The following MED12L variants were observed in gnomAD, a reference collection of about 807,000 sequenced individuals.
MED12L encodes mediator complex subunit 12L.
In MED12L, 60 loss-of-function variants were observed where a neutral mutation model predicts 281.3. That is an observed-to-expected ratio of 0.21 (90% CI 0.17 to 0.26). The LOEUF (loss-of-function observed/expected upper bound fraction) is 0.26, where lower values mean the gene tolerates loss of function less well. Ranked by LOEUF, MED12L falls within the 10% of genes least tolerant of loss-of-function variation. The pLI is 1.00. For missense variants in MED12L, 2,146 were observed against 2,680.9 expected (o/e 0.80, Z 4.41); for synonymous variants, 974 against 987.2 (o/e 0.99, Z 0.25).
At position 151,210,601 on chromosome 3, in the gene MED12L, G is replaced by A. The variant is rs141688912; in HGVS notation, c.2250+16935G>A. On this transcript the variant is annotated intron_variant, in intron 16 of 44. Transcript: ENST00000687756. Reference sequence around the variant, plus strand: ...ACTTATGCATCAAAATGGAATGTAAGGATTTCTGTTAAAGGGAGGTTTTTA... The same window carrying A: ...ACTTATGCATCAAAATGGAATGTAAAGATTTCTGTTAAAGGGAGGTTTTTA... Among the ~76,000 whole-genome samples, 17 of 152,286 alleles carry A rather than the reference G, an allele frequency of 1.1e-4. No homozygotes were observed. In the East Asian group the frequency reaches 2.9e-3, roughly 26 times the overall value.
At chr3:151,141,006 T>C (rs2148863234) in intron 5 of MED12L, among the ~76,000 whole-genome samples, 1 of 152,070 alleles carries the variant, frequency 6.6e-6, no homozygotes, top group East Asian at 1.9e-4. Flanking sequence ...TAGCTGGGAC[T>C]ACAGGCACCC....
At position 151,168,517 on chromosome 3, in the gene MED12L, C is replaced by T. The variant is rs554079944; in HGVS notation, c.1494+2535C>T. On this transcript the variant is annotated intron_variant, in intron 11 of 44. Coordinates refer to ENST00000687756, the MANE Select transcript of MED12L (RefSeq NM_001393769.1). ...CTGAGAGTCCTGGAGGCTCTAGGCACGCACATTTCTGGAAGGGCCATCAGT... is the reference window on the plus strand; with the variant it reads ...CTGAGAGTCCTGGAGGCTCTAGGCATGCACATTTCTGGAAGGGCCATCAGT... Among the ~76,000 whole-genome samples the T allele has an allele frequency of 3.9e-5, 6 of 152,200 alleles. No homozygotes were observed. In the South Asian group the frequency reaches 6.2e-4, roughly 16 times the overall value.
At chr3:151,321,913 T>C (rs950393642) in intron 16 of MED12L, among the ~76,000 whole-genome samples, 1 of 152,150 alleles carries the variant, frequency 6.6e-6, no homozygotes, top group East Asian at 1.9e-4. Flanking sequence ...ATCTTATTTT[T>C]TTCTATAAGG....
At chr3:151,163,148 G>T (rs1720218887) in intron 8 of MED12L, among the ~76,000 whole-genome samples, 1 of 152,096 alleles carries the variant, frequency 6.6e-6, no homozygotes, top group Non-Finnish European at 1.5e-5. Flanking sequence ...TGGTAAAGGT[G>T]GGGGATAACA....
intron 5 of MED12L, among the ~76,000 whole-genome samples, chr3:151,140,548 A>C (rs1180161351): frequency 6.6e-6 from 1 of 152,242 alleles, no homozygotes; most frequent in African/African-American, 2.4e-5. Flanking sequence ...AGCTTTTCCA[A>C]AGTAAAAATA....
rs922160260 is a variant in MED12L, at chr3:151,117,175, C to CT, written c.204+742dup. On this transcript the variant is annotated intron_variant, in intron 3 of 44. Transcript: ENST00000687756. ...CAAGTTTTTATTGTCACTTTGGATT[C>CT]TTTTTTTTTCTTTTAATTTGTCGTG... Among the ~76,000 whole-genome samples, 295 of 151,314 alleles carry CT rather than the reference C, an allele frequency of 1.9e-3. 1 individual carries two copies. The highest frequency in any genetic ancestry group is 6.8e-3 in the African/African-American group (279 of 41,238).
At chr3:151,374,504 C>T (rs138719200) in intron 27 of MED12L, among the ~76,000 whole-genome samples, 220 of 152,188 alleles carry the variant, frequency 1.4e-3, no homozygotes, top group African/African-American at 4.8e-3. Context: ...GCCGAGATTG[C>T]GCCACTGCAC....
chr3:151,273,227 CTTTTTTTTTTTTT>C (rs63035061), intron 16 of MED12L, among the ~76,000 whole-genome samples: 1 of 106,170 alleles, frequency 9.4e-6, no homozygotes, highest in Non-Finnish European at 1.9e-5. Flanking sequence ...TTGTTGTGTT[CTTTTTTTTTTTTT>C]TTTTTTTTGA....
intron 21 of MED12L, 109 bp downstream of exon 21, chr3:151,360,714 T>C (rs1754502032): frequency 9.9e-7 from 1 of 1,013,062 alleles, no homozygotes; most frequent in African/African-American, 1.6e-5. Context: ...TGCAATTGTA[T>C]CTATTAGGCA....
intron 16 of MED12L, chr3:151,198,224 T>C: frequency 2.2e-6 from 1 of 449,458 alleles, no homozygotes; most frequent in Non-Finnish European, 3.9e-6. Flanking sequence ...AATATTTGGG[T>C]TAATGAGTAG....
At chr3:151,137,267 T>G (rs1225833564) in intron 5 of MED12L, among the ~76,000 whole-genome samples, 1 of 152,138 alleles carries the variant, frequency 6.6e-6, no homozygotes, top group African/African-American at 2.4e-5. Context: ...CCAAGTACAC[T>G]TCTGTTAAAT....
chr3:151,369,398 A>G lies in MED12L; in HGVS notation c.3551-38A>G, dbSNP rs904532705. Reference sequence around the variant, plus strand: ...AAATAATTACAAAACATTACTAATGATGGTAATGAGACTATTAAAGATTTG... The same window carrying G: ...AAATAATTACAAAACATTACTAATGGTGGTAATGAGACTATTAAAGATTTG... On this transcript the variant is annotated intron_variant, in intron 25 of 44. Transcript: ENST00000687756. 2.3e-6 allele frequency: 3 copies of G among 1,332,568 alleles called. No homozygotes were observed. The Admixed American group carries it at 5.8e-5, about 26-fold the overall frequency. 82.5% of individuals were successfully genotyped at this position (1,332,568 alleles called of 1,614,324 possible).
At chr3:151,141,187 G>GTTTTTTTTTTTTTTGTTTTTTTGTTTTT (rs76965310) in intron 5 of MED12L, among the ~76,000 whole-genome samples, 3 of 99,124 alleles carry the variant, frequency 3.0e-5, no homozygotes, top group Admixed American at 1.1e-4. Context: ...TGTTTTTTTT[G>GTTTTTTTTTTTTTTGTTTTTTTGTTTTT]TTTTTTTTTT....
chr3:151,224,065 A>G (rs992945266), intron 16 of MED12L, among the ~76,000 whole-genome samples: 1 of 152,262 alleles, frequency 6.6e-6, no homozygotes, highest in Admixed American at 6.5e-5. Flanking sequence ...CATTGGTGTT[A>G]TCAACATTAG....
At chr3:151,261,685 G>GTGTTTTGTTTTGTTT (rs10627724) in intron 16 of MED12L, among the ~76,000 whole-genome samples, 3,659 of 148,708 alleles carry the variant, frequency 0.025, 146 homozygotes, top group African/African-American at 0.082. Flanking sequence ...GTGGTACGTG[G>GTGTTTTGTTTTGTTT]TGTTTTGTTT....
chr3:151,396,620 C>T (rs777911732), intron 39 of MED12L, among the ~76,000 whole-genome samples: 2 of 152,110 alleles, frequency 1.3e-5, no homozygotes, highest in African/African-American at 4.8e-5. Context: ...AGTGAGACTC[C>T]GTCTCAAGAA....
intron 5 of MED12L, among the ~76,000 whole-genome samples, chr3:151,144,454 G>A (rs6787683): frequency 0.3 from 45,637 of 151,928 alleles, 8,728 homozygotes; most frequent in African/African-American, 0.54. Flanking sequence ...CAACCTTGCA[G>A]TACAAGACTT....
In MED12L at chr3:151,221,012, C is replaced by G. The variant is rs61621398; in HGVS notation, c.2250+27346C>G. 2.0e-5 allele frequency among the ~76,000 whole-genome samples: 3 copies of G among 152,180 alleles called. No individual in the cohort carries two copies. In the East Asian group the frequency reaches 5.8e-4, roughly 29 times the overall value. On this transcript the variant is annotated intron_variant, in intron 16 of 44. Transcript: ENST00000687756. Reference sequence around the variant, plus strand: ...CCCAAAATGCTGATAGTGATATGGACGATAAAGTCCAGGGTGAGGTGGTCT... The same window carrying G: ...CCCAAAATGCTGATAGTGATATGGAGGATAAAGTCCAGGGTGAGGTGGTCT...
chr3:151,200,410 AT>A (rs1725377847), intron 16 of MED12L, among the ~76,000 whole-genome samples: 1 of 152,208 alleles, frequency 6.6e-6, no homozygotes, highest in African/African-American at 2.4e-5. Flanking sequence ...CCTGAAGATT[AT>A]TTTTGTATTT....
Sources: gnomAD v4.1 joint callset for allele counts (sites outside exome capture counted in the v4.1 genomes callset) on GRCh38, gnomAD v4.1.1 for gene constraint, MANE v1.5 for transcripts, NCBI Gene and HGNC (gene_info 2026-07-23, HGNC 2026-07-21) for gene names.